The following SCLT1 variants were observed in gnomAD, a reference collection of about 807,000 sequenced individuals.
The protein encoded by SCLT1 is sodium channel and clathrin linker 1.
A neutral mutation model predicts 112.8 loss-of-function variants in SCLT1; 78 were observed. The observed-to-expected ratio is 0.69, with a 90% CI of 0.58 to 0.83. The LOEUF is 0.83. Among genes scored for constraint, SCLT1 ranks in the 40% least tolerant of loss-of-function variants. SCLT1 has a pLI of 0.00. For missense variants in SCLT1, 747 were observed against 770.4 expected, an observed-to-expected ratio of 0.97 and a Z score of 0.36; for synonymous variants, 257 against 254.7, an observed-to-expected ratio of 1.01 and a Z score of -0.09.
intron 5 of SCLT1, among the ~76,000 whole-genome samples, chr4:129,019,831 A>G (rs1342024471): frequency 2.0e-5 from 3 of 152,002 alleles, no homozygotes; most frequent in African/African-American, 4.8e-5. Context: ...AAAAACTAGA[A>G]TTGTTGTTTC....
rs112776117 is a variant in SCLT1 at position 128,992,314 on chromosome 4, A to C, written c.616-77T>G. ...TTTAAAGATGACACATCAGACATAC[A>C]AGTAGAAAAAAAGTTTAGTGAGATT... On this transcript the variant is annotated intron_variant, in intron 8 of 20. Coordinates refer to ENST00000281142, the MANE Select transcript of SCLT1 (RefSeq NM_144643.4). 2,032 of 896,388 alleles carry C rather than the reference A, an allele frequency of 2.3e-3. 9 individuals carry two copies. Among genetic ancestry groups the C allele is most frequent in the African/African-American group, 0.016 (944 of 58,120 alleles). 55.5% of individuals were successfully genotyped at this position (896,388 alleles called of 1,614,324 possible). A position where few individuals can be genotyped will look rare whatever the true frequency, so the allele number is the denominator to read the frequency against.
At chr4:128,945,563 G>A (rs1315835226) in intron 16 of SCLT1, among the ~76,000 whole-genome samples, 6 of 151,982 alleles carry the variant, frequency 3.9e-5, no homozygotes, top group Non-Finnish European at 1.5e-5. Context: ...AGGTAATACC[G>A]TCGGGGTGGG....
intron 8 of SCLT1, 128 bp from the exon 9 acceptor site, chr4:128,992,365 G>T: frequency 1.7e-6 from 1 of 576,408 alleles, no homozygotes; most frequent in Non-Finnish European, 2.9e-6. Context: ...ATTTTTTGAG[G>T]GTAAAACATA....
chr4:129,084,775 G>T (rs1414309956), intron 1 of SCLT1, among the ~76,000 whole-genome samples: 1 of 152,090 alleles, frequency 6.6e-6, no homozygotes, highest in Non-Finnish European at 1.5e-5. Context: ...AATGAGGAAA[G>T]AATTCCCTAC....
At chr4:128,940,355 A>G (rs1174999009) in intron 17 of SCLT1, among the ~76,000 whole-genome samples, 1 of 152,010 alleles carries the variant, frequency 6.6e-6, no homozygotes. Flanking sequence ...GGAAGATACA[A>G]AGCATTAAAA....
intron 18 of SCLT1, among the ~76,000 whole-genome samples, chr4:128,900,203 G>C (rs1734154122): frequency 6.6e-6 from 1 of 152,130 alleles, no homozygotes; most frequent in Non-Finnish European, 1.5e-5. Context: ...ACCAAAAAAA[G>C]AGCCTGCATC....
chr4:128,934,471 TA>T (rs1351365773), intron 18 of SCLT1, among the ~76,000 whole-genome samples: 22 of 151,890 alleles, frequency 1.4e-4, no homozygotes, highest in African/African-American at 5.1e-4. Context: ...ATAATTATAA[TA>T]TTTAGCATTC....
intron 20 of SCLT1, among the ~76,000 whole-genome samples, chr4:128,887,462 T>C (rs1732972983): frequency 6.6e-6 from 1 of 152,176 alleles, no homozygotes; most frequent in East Asian, 1.9e-4. Context: ...AGAGTGGCTT[T>C]ACTATGTATA....
chr4:129,035,519 G>A (rs1045500368), intron 5 of SCLT1, among the ~76,000 whole-genome samples: 1 of 151,860 alleles, frequency 6.6e-6, no homozygotes, highest in Non-Finnish European at 1.5e-5. Flanking sequence ...AACAAAATTA[G>A]GGTTATGTGA....
At chr4:128,933,087 T>C (rs1487106736) in intron 18 of SCLT1, among the ~76,000 whole-genome samples, 1 of 152,036 alleles carries the variant, frequency 6.6e-6, no homozygotes, top group Non-Finnish European at 1.5e-5. Context: ...TTCACAGAAA[T>C]GGAAAAGATG....
At chr4:129,092,888 G>C (rs1455141235) in intron 1 of SCLT1, among the ~76,000 whole-genome samples, 182 bp downstream of exon 1, 2 of 152,096 alleles carry the variant, frequency 1.3e-5, no homozygotes, top group Non-Finnish European at 2.9e-5. Flanking sequence ...ACTACCACAC[G>C]GTTCTGCTTA....
intron 5 of SCLT1, among the ~76,000 whole-genome samples, chr4:129,027,722 A>G (rs1238394411): frequency 6.6e-6 from 1 of 152,192 alleles, no homozygotes; most frequent in Non-Finnish European, 1.5e-5. Context: ...AATTAGGAAA[A>G]GAGGCAGTCA....
At chr4:128,995,893 T>A (rs191882350) in intron 8 of SCLT1, among the ~76,000 whole-genome samples, 1 of 152,152 alleles carries the variant, frequency 6.6e-6, no homozygotes, top group East Asian at 1.9e-4. Context: ...ATCTACTTAC[T>A]CTGTGCTGAG....
At chr4:128,877,931 A>G (rs1732558861) in intron 3 of SCLT1, among the ~76,000 whole-genome samples, 1 of 152,216 alleles carries the variant, frequency 6.6e-6, no homozygotes, top group African/African-American at 2.4e-5. Flanking sequence ...TGTAACACAC[A>G]TACATACAAA....
At chr4:128,945,411 T>C (rs1738063352) in intron 16 of SCLT1, among the ~76,000 whole-genome samples, 1 of 152,188 alleles carries the variant, frequency 6.6e-6, no homozygotes, top group African/African-American at 2.4e-5. Context: ...ATTACACATA[T>C]ATTTATTAAA....
At chr4:129,062,534 G>A (rs1750078137) in intron 2 of SCLT1, among the ~76,000 whole-genome samples, 2 of 152,058 alleles carry the variant, frequency 1.3e-5, no homozygotes, top group Non-Finnish European at 2.9e-5. Flanking sequence ...GTATCACTTT[G>A]CTTCAGCTTC....
At chr4:128,909,374 C>G (rs1256986531) in intron 18 of SCLT1, among the ~76,000 whole-genome samples, 1 of 152,114 alleles carries the variant, frequency 6.6e-6, no homozygotes, top group African/African-American at 2.4e-5. Flanking sequence ...CCCAGCCTCC[C>G]AAGTAGCTAG....
intron 1 of SCLT1, among the ~76,000 whole-genome samples, chr4:129,086,754 A>T (rs1056419213): frequency 2.6e-5 from 4 of 152,184 alleles, no homozygotes; most frequent in Non-Finnish European, 5.9e-5. Context: ...CAGTAAAAAC[A>T]AACTGGGAAG....
At chr4:129,051,855 T>C (rs1748828219) in intron 2 of SCLT1, among the ~76,000 whole-genome samples, 2 of 152,190 alleles carry the variant, frequency 1.3e-5, no homozygotes, top group Admixed American at 1.3e-4. Context: ...TGACGTTGGC[T>C]GTGGGTTTGT....
Sources: gnomAD v4.1 joint callset for allele counts (sites outside exome capture counted in the v4.1 genomes callset) on GRCh38, gnomAD v4.1.1 for gene constraint, MANE v1.5 for transcripts, NCBI Gene and HGNC (gene_info 2026-07-23, HGNC 2026-07-21) for gene names.